The following PRPSAP1 variants were observed in gnomAD, a reference collection of about 807,000 sequenced individuals.
PRPSAP1 encodes the protein phosphoribosyl pyrophosphate synthetase associated protein 1.
PRPSAP1 carries 31 observed loss-of-function variants against 39.4 expected under a neutral mutation model. The ratio of observed to expected loss-of-function variants is 0.79; its 90% CI spans 0.59 to 1.06. The LOEUF is 1.06. Among genes scored for constraint, PRPSAP1 ranks in the 50% least tolerant of loss-of-function variants. The probability of loss-of-function intolerance (pLI) is 0.00; values close to 1 mark genes in which losing one functional copy is unlikely to be tolerated. For missense variants in PRPSAP1, 430 were observed against 511.6 expected (o/e 0.84, Z 1.54); for synonymous variants, 212 against 192.6 (o/e 1.10, Z -0.83).
At chr17:76,352,773 G>C (rs1455409545) in intron 1 of PRPSAP1, among the ~76,000 whole-genome samples, 1 of 151,476 alleles carries the variant, frequency 6.6e-6, no homozygotes, top group African/African-American at 2.4e-5. Context: ...ACATTATCCC[G>C]ATCATACAAT....
At chr17:76,351,165 G>C (rs1034776061) in intron 1 of PRPSAP1, among the ~76,000 whole-genome samples, 3 of 152,020 alleles carry the variant, frequency 2.0e-5, no homozygotes, top group African/African-American at 7.2e-5. Context: ...CTGAGGTCAG[G>C]AGTTTGAGAC....
At chr17:76,325,868 A>C (rs2071251139) in intron 7 of PRPSAP1, among the ~76,000 whole-genome samples, 1 of 152,070 alleles carries the variant, frequency 6.6e-6, no homozygotes. Flanking sequence ...AGCCTCCCAA[A>C]GTGCTGGGAT....
At chr17:76,311,976 A>G (rs1251851818) in intron 9 of PRPSAP1, among the ~76,000 whole-genome samples, 2 of 152,238 alleles carry the variant, frequency 1.3e-5, no homozygotes, top group Non-Finnish European at 2.9e-5. Context: ...CTCTCAGATC[A>G]TAAGGGAAGA....
chr17:76,315,064 G>C (rs150303033), intron 7 of PRPSAP1, among the ~76,000 whole-genome samples: 1 of 152,140 alleles, frequency 6.6e-6, no homozygotes, highest in South Asian at 2.1e-4. Context: ...TCAAAATCAG[G>C]AACTTGAAGA....
At chr17:76,341,517 C>T (rs779696624) in intron 3 of PRPSAP1, among the ~76,000 whole-genome samples, 1 of 152,172 alleles carries the variant, frequency 6.6e-6, no homozygotes, top group Non-Finnish European at 1.5e-5. Flanking sequence ...CCTGGGATTA[C>T]AGGTGTGAGT....
intron 3 of PRPSAP1, among the ~76,000 whole-genome samples, chr17:76,340,473 T>C (rs2071423860): frequency 6.7e-6 from 1 of 150,348 alleles, no homozygotes; most frequent in Non-Finnish European, 1.5e-5. Context: ...ATTGCACGTG[T>C]TAAATACTTA....
At chr17:76,346,108 TGCATTTTG>T (rs2071498124) in intron 2 of PRPSAP1, 1 of 310,852 alleles carries the variant, frequency 3.2e-6, no homozygotes, top group Non-Finnish European at 6.3e-6. Context: ...GGGAAGCGTG[TGCATTTTG>T]GATAACTGTG....
chr17:76,353,130 A>G (rs1270872626), intron 1 of PRPSAP1: 3 of 170,202 alleles, frequency 1.8e-5, no homozygotes, highest in African/African-American at 7.2e-5. Context: ...GTCTCACTGC[A>G]GTGAGACTTG....
intron 3 of PRPSAP1, among the ~76,000 whole-genome samples, chr17:76,341,645 A>G (rs1268650456): frequency 6.6e-6 from 1 of 152,232 alleles, no homozygotes; most frequent in Non-Finnish European, 1.5e-5. Context: ...TGCTTTTAGA[A>G]TTAGACCCCA....
intron 7 of PRPSAP1, among the ~76,000 whole-genome samples, chr17:76,328,392 C>T (rs1567802447): frequency 6.6e-6 from 1 of 152,080 alleles, no homozygotes; most frequent in Non-Finnish European, 1.5e-5. Flanking sequence ...GAGCAGATCA[C>T]GAGGTCTGGA....
At chr17:76,344,819 G>T in intron 2 of PRPSAP1, 82 bp from the exon 3 acceptor site, 1 of 1,063,892 alleles carries the variant, frequency 9.4e-7, no homozygotes, top group Non-Finnish European at 1.4e-6. Context: ...AGTACTTCAT[G>T]CCGGGCGCGG....
intron 9 of PRPSAP1, 125 bp from the exon 10 acceptor site, chr17:76,311,825 C>T (rs2071073806): frequency 1.8e-6 from 2 of 1,140,482 alleles, no homozygotes; most frequent in East Asian, 2.6e-5. Context: ...AACCTTGTTC[C>T]ACCGAGTATA....
chr17:76,348,160 A>AAAATAAATAAAT (rs374946298), intron 2 of PRPSAP1, among the ~76,000 whole-genome samples: 2,919 of 149,202 alleles, frequency 0.02, 69 homozygotes, highest in African/African-American at 0.057. Context: ...CATCTTAATA[A>AAAATAAATAAAT]AAATAAATAA....
At chr17:76,317,014 C>T (rs1358159927) in intron 7 of PRPSAP1, among the ~76,000 whole-genome samples, 1 of 152,210 alleles carries the variant, frequency 6.6e-6, no homozygotes, top group East Asian at 1.9e-4. Context: ...CCATTTTGAC[C>T]TTTGTCTATT....
In PRPSAP1 at chr17:76,332,381, A is replaced by T; in HGVS notation, c.345T>A (p.Thr115=). The T allele has an allele frequency of 6.2e-7, 1 of 1,614,216 alleles. No homozygotes were observed. The highest frequency in any genetic ancestry group is 1.1e-5 in the South Asian group (1 of 91,090). The part of the protein sequence containing the change: ...ELLIMAYALK[T]ACARNIIGVI... Reference sequence around the variant, plus strand: ...CCCCAATAATGTTCCTGGCACAGGCAGTCTTCAGTGCGTAAGCCATGATGA... The same window carrying T: ...CCCCAATAATGTTCCTGGCACAGGCTGTCTTCAGTGCGTAAGCCATGATGA... Residue 115 remains threonine (T), a synonymous_variant, in exon 4 of 10, where the codon ACT becomes ACA. Coordinates refer to ENST00000446526, the MANE Select transcript of PRPSAP1 (RefSeq NM_002766.3).
At chr17:76,320,488 G>A (rs112891015) in intron 7 of PRPSAP1, among the ~76,000 whole-genome samples, 1,514 of 136,596 alleles carry the variant, frequency 0.011, 28 homozygotes, top group African/African-American at 0.039. Flanking sequence ...GCAGTGGCAC[G>A]ATCTCAGTTC....
rs145102407 is a variant in PRPSAP1 at position 76,322,744 on chromosome 17, G to A, written c.781+5973C>T. On this transcript the variant is annotated intron_variant, in intron 7 of 9. Coordinates refer to ENST00000446526, the MANE Select transcript of PRPSAP1 (RefSeq NM_002766.3). ...CTCATACCTCTAATCCTAGCACTTC[G>A]GGAGGCCAAGATGGGTTGACTGCTT... Among the ~76,000 whole-genome samples, 364 of 152,122 alleles carry A rather than the reference G, an allele frequency of 2.4e-3. 4 individuals carry two copies. Among genetic ancestry groups the A allele is most frequent in the Admixed American group, 6.9e-3 (106 of 15,280 alleles).
intron 8 of PRPSAP1, 122 bp from the exon 9 acceptor site, chr17:76,313,138 G>A: frequency 7.9e-7 from 1 of 1,268,058 alleles, no homozygotes; most frequent in South Asian, 1.6e-5. Flanking sequence ...GAAAATCAGA[G>A]CTGTGTGCCT....
At chr17:76,348,334 G>T (rs1376976944) in intron 2 of PRPSAP1, among the ~76,000 whole-genome samples, 195 bp downstream of exon 2, 1 of 151,546 alleles carries the variant, frequency 6.6e-6, no homozygotes, top group East Asian at 1.9e-4. Flanking sequence ...TTAGCCGGGT[G>T]TGGTGGCGGG....
Sources: gnomAD v4.1 joint callset for allele counts (sites outside exome capture counted in the v4.1 genomes callset) on GRCh38, gnomAD v4.1.1 for gene constraint, MANE v1.5 for transcripts, NCBI Gene and HGNC (gene_info 2026-07-23, HGNC 2026-07-21) for gene names.